The following APBA1 variants were observed in gnomAD, a reference collection of about 807,000 sequenced individuals.
APBA1 encodes amyloid-beta A4 precursor protein-binding family A member 1.
In APBA1, 55 loss-of-function variants were observed where a neutral mutation model predicts 86.6. The observed-to-expected ratio is 0.64, with a 90% CI of 0.51 to 0.80. APBA1 has a LOEUF of 0.80. Among genes scored for constraint, APBA1 ranks in the 30% least tolerant of loss-of-function variants. APBA1 has a pLI of 0.00. For missense variants in APBA1, 1,090 were observed against 1,183.0 expected (o/e 0.92, Z 1.15); for synonymous variants, 511 against 493.9 (o/e 1.03, Z -0.46).
In APBA1 at chr9:69,577,445, C is replaced by T. The variant is rs192250790; in HGVS notation, c.-69-60166G>A. On this transcript the variant is annotated intron_variant, in intron 1 of 12. Coordinates refer to ENST00000265381, the MANE Select transcript of APBA1 (RefSeq NM_001163.4). ...TCTGATTTTCCATTGGCGACCCACT[C>T]CAGTACACCAGCACACAAGGGGAAC... Among the ~76,000 whole-genome samples, 198 of 152,246 alleles carry T rather than the reference C, an allele frequency of 1.3e-3. 2 individuals are homozygous for T. The highest frequency in any genetic ancestry group is 4.3e-3 in the African/African-American group (180 of 41,548).
At chr9:69,673,011 G>T (rs1338573779), upstream of APBA1, 2 of 152,316 alleles carry the variant, frequency 1.3e-5, no homozygotes, top group African/African-American at 4.8e-5. Flanking sequence ...GGCGTCTCCG[G>T]AATGCGTCGC....
At chr9:69,474,861 TA>T (rs1370171900) in intron 3 of APBA1, among the ~76,000 whole-genome samples, 1 of 152,246 alleles carries the variant, frequency 6.6e-6, no homozygotes, top group Non-Finnish European at 1.5e-5. Flanking sequence ...AGACTCCCTT[TA>T]AAAGCGATCT....
At chr9:69,462,921 T>C (rs1835214068) in intron 5 of APBA1, 3 of 152,160 alleles carry the variant, frequency 2.0e-5, no homozygotes, top group Non-Finnish European at 2.9e-5. Flanking sequence ...TCTAAGAAGT[T>C]TGTAGGCAAT....
At chr9:69,552,237 A>G (rs1836795104) in intron 1 of APBA1, among the ~76,000 whole-genome samples, 1 of 152,260 alleles carries the variant, frequency 6.6e-6, no homozygotes, top group Non-Finnish European at 1.5e-5. Flanking sequence ...GATGATCTTC[A>G]CAAGTTGGGT....
intron 5 of APBA1, among the ~76,000 whole-genome samples, chr9:69,459,904 G>C (rs1439774866): frequency 6.6e-6 from 1 of 152,214 alleles, no homozygotes; most frequent in Admixed American, 6.5e-5. Context: ...ATTGACCTAG[G>C]TCATGATGCA....
intron 1 of APBA1, among the ~76,000 whole-genome samples, chr9:69,526,666 T>C (rs1836347092): frequency 6.6e-6 from 1 of 151,910 alleles, no homozygotes; most frequent in African/African-American, 2.4e-5. Flanking sequence ...TTTGGAGATT[T>C]CTCAGAGAAC....
chr9:69,539,913 G>A (rs920689996), intron 1 of APBA1, among the ~76,000 whole-genome samples: 7 of 152,158 alleles, frequency 4.6e-5, no homozygotes, highest in Admixed American at 6.5e-5. Context: ...GAGGTCAGGA[G>A]TTCAAGACCA....
rs1288921086 is a variant in APBA1, at chr9:69,516,457, CCTT to C, written c.751_753del (p.Lys251del). 15 of 1,603,338 alleles carry C rather than the reference CCTT, an allele frequency of 9.4e-6. No individual in the cohort carries two copies. The highest frequency in any genetic ancestry group is 2.2e-5 in the East Asian group (1 of 44,734). On this transcript the variant is annotated inframe_deletion, in exon 2 of 13. Coordinates refer to ENST00000265381, the MANE Select transcript of APBA1 (RefSeq NM_001163.4). This position sits in a 1 kb window ranked among gnomAD's most constrained non-coding sequence, Gnocchi z 7.3. ...CGCGGGTAGGGCGCGAACTCGGCCTCCTTCTCGGGGCTGTCGGACTCGCCGTCG... is the reference window on the plus strand; with the variant it reads ...CGCGGGTAGGGCGCGAACTCGGCCTCCTCGGGGCTGTCGGACTCGCCGTCG...
chr9:69,626,833 T>C (rs1003494792), intron 1 of APBA1, among the ~76,000 whole-genome samples: 2 of 151,718 alleles, frequency 1.3e-5, no homozygotes, highest in Non-Finnish European at 2.9e-5. Context: ...TTTATTTACC[T>C]ACTAATGTCA....
chr9:69,531,747 C>T (rs1338526209), intron 1 of APBA1, among the ~76,000 whole-genome samples: 1 of 152,178 alleles, frequency 6.6e-6, no homozygotes, highest in Non-Finnish European at 1.5e-5. Context: ...AGAGAGAACT[C>T]TTTTCTCTCA....
At chr9:69,654,613 T>A (rs1194875338) in intron 1 of APBA1, among the ~76,000 whole-genome samples, 5 of 152,090 alleles carry the variant, frequency 3.3e-5, no homozygotes, top group Admixed American at 6.6e-5. Flanking sequence ...ACCACTAAAT[T>A]CTACATAACA....
In APBA1 at chr9:69,516,103, T is replaced by C. The variant is rs201762976; in HGVS notation, c.1108A>G (p.Thr370Ala). 1 of 1,613,546 alleles carries C rather than the reference T, an allele frequency of 6.2e-7. No individual in the cohort carries two copies. Among genetic ancestry groups the C allele is most frequent in the East Asian group, 2.2e-5 (1 of 44,772 alleles). ...ATGGGCTCTTTGGGCTCGTCGGGGG[T>C]GTAAGGCGAACGGATGGTCCTGGTT... is the stretch of plus-strand genomic sequence containing the variant. ...VKTRTIRSPY[T>A]PDEPKEPIWV... The change falls in exon 2 of 13, where the codon ACC (threonine) becomes GCC (alanine). Residue 370 changes from threonine to alanine, a missense_variant. Physicochemically the swap from Thr to Ala is moderately conservative, Grantham distance 58. Coordinates refer to ENST00000265381, the MANE Select transcript of APBA1 (RefSeq NM_001163.4). This position sits in a 1 kb window ranked among gnomAD's most constrained non-coding sequence, Gnocchi z 7.3.
intron 1 of APBA1, among the ~76,000 whole-genome samples, chr9:69,594,525 G>A (rs1410775085): frequency 6.6e-6 from 1 of 152,160 alleles, no homozygotes; most frequent in Non-Finnish European, 1.5e-5. Flanking sequence ...GGGAGTGAGG[G>A]AAAGGAAGGA....
At chr9:69,551,765 A>G (rs1836789090) in intron 1 of APBA1, among the ~76,000 whole-genome samples, 2 of 152,204 alleles carry the variant, frequency 1.3e-5, no homozygotes, top group Non-Finnish European at 2.9e-5. Flanking sequence ...GGCTGTTGAA[A>G]GGTTCCATGA....
intron 1 of APBA1, among the ~76,000 whole-genome samples, chr9:69,619,682 T>C (rs939834888): frequency 1.3e-5 from 2 of 152,212 alleles, no homozygotes; most frequent in Non-Finnish European, 2.9e-5. Flanking sequence ...AGAAGCCAAG[T>C]TGAATTTTTC....
rs185965892 is a variant in APBA1 at position 69,593,402 on chromosome 9, T to C, written c.-69-76123A>G. On this transcript the variant is annotated intron_variant, in intron 1 of 12. Transcript: ENST00000265381. Reference sequence around the variant, plus strand: ...ACAGGAAAAAGGCAATGTGTCATATTTCACTTGCTTAGACCTCCTCCAATC... The same window carrying C: ...ACAGGAAAAAGGCAATGTGTCATATCTCACTTGCTTAGACCTCCTCCAATC... Among the ~76,000 whole-genome samples, 528 of 152,288 alleles carry C rather than the reference T, an allele frequency of 3.5e-3. 3 individuals carry two copies. Among genetic ancestry groups the C allele is most frequent in the African/African-American group, 0.012 (504 of 41,548 alleles).
chr9:69,671,953 G>A (rs1363585185), intron 1 of APBA1, among the ~76,000 whole-genome samples, 200 bp downstream of exon 1: 2 of 152,156 alleles, frequency 1.3e-5, no homozygotes, highest in Non-Finnish European at 2.9e-5. Context: ...CGCTCGCAAC[G>A]CCGCCTTCCC....
chr9:69,646,537 C>A (rs1823393643), intron 1 of APBA1, among the ~76,000 whole-genome samples: 1 of 152,120 alleles, frequency 6.6e-6, no homozygotes, highest in Admixed American at 6.5e-5. Flanking sequence ...TCAACATCCA[C>A]CCCTTCTGGA....
At chr9:69,568,660 C>T (rs183642099) in intron 1 of APBA1, among the ~76,000 whole-genome samples, 1 of 152,268 alleles carries the variant, frequency 6.6e-6, no homozygotes, top group African/African-American at 2.4e-5. Flanking sequence ...ATCTGAGGGT[C>T]TTGATAAGCA....
Sources: allele counts gnomAD v4.1 joint callset (sites outside exome capture counted in the v4.1 genomes callset), GRCh38; gene constraint gnomAD v4.1.1; non-coding constraint Gnocchi (gnomAD v3.1); transcripts MANE v1.5; gene names NCBI Gene and HGNC (gene_info 2026-07-23, HGNC 2026-07-21).